Variants in FUT8 observed in about 807,000 individuals in gnomAD.
The protein encoded by FUT8 is alpha-(1,6)-fucosyltransferase.
A neutral mutation model predicts 71.3 loss-of-function variants in FUT8; 29 were observed. The observed-to-expected ratio is 0.41, with a 90% CI of 0.30 to 0.55. FUT8 has a LOEUF of 0.55. FUT8 is among the 20% of genes least tolerant of loss of function. The pLI is 0.34. For synonymous variants in FUT8, 254 were observed against 239.3 expected, an observed-to-expected ratio of 1.06 and a Z score of -0.57; for missense variants, 544 against 702.1, an observed-to-expected ratio of 0.77 and a Z score of 2.55.
At chr14:65,378,837 G>GTTTTTTTTT in the FUT8 span, among the ~76,000 whole-genome samples, 29 of 66,850 alleles carry the variant, frequency 4.3e-4, 2 homozygotes, top group East Asian at 1.2e-3. Context: ...TCACAAGAAG[G>GTTTTTTTTT]TTTTTTTTTT....
chr14:65,365,986 C>T, the FUT8 span, among the ~76,000 whole-genome samples: 6,837 of 152,102 alleles, frequency 0.045, 276 homozygotes, highest in South Asian at 0.17. Flanking sequence ...TATAGGCATG[C>T]GCCACCATGC....
At chr14:65,436,314 G>A (rs1235499641) in intron 1 of FUT8, among the ~76,000 whole-genome samples, 4 of 151,978 alleles carry the variant, frequency 2.6e-5, no homozygotes, top group African/African-American at 4.8e-5. Context: ...TTAACATTCC[G>A]AGAATGCTTA....
chr14:65,728,451 CT>C (rs1188875281), intron 9 of FUT8, among the ~76,000 whole-genome samples: 14 of 152,334 alleles, frequency 9.2e-5, no homozygotes. Context: ...ACCATCGAAT[CT>C]CATGAGACTT....
chr14:65,702,345 C>CAAAAAAAA (rs71989314), intron 7 of FUT8, among the ~76,000 whole-genome samples: 1 of 134,960 alleles, frequency 7.4e-6, no homozygotes. Flanking sequence ...AACTCCATCT[C>CAAAAAAAA]AAAAAAAAAA....
rs1366363675 is a variant in FUT8 at position 65,573,724 on chromosome 14, A to AC, written c.203+11963dup. ...ACTCCAGCCTGGGCAACACAGTGAG[A>AC]CCCCCATGTCTAAAAAAAAAAAAAA... On this transcript the variant is annotated intron_variant, in intron 3 of 10. Transcript: ENST00000673929. Among the ~76,000 whole-genome samples the AC allele has an allele frequency of 2.1e-5, 3 of 145,274 alleles. No individual in the cohort carries two copies. The East Asian group carries it at 6.1e-4, about 30-fold the overall frequency.
Position 65,535,703 on chromosome 14 carries a change from T to C in FUT8, c.-227-25634T>C, listed in dbSNP as rs556786564. ...CTGAGAATTGTTTTTTGTCTGACTG[T>C]GTGGTCAGTTTTAGAGTATGTGCCA... On this transcript the variant is annotated intron_variant, in intron 2 of 10. Coordinates refer to ENST00000673929, the MANE Select transcript of FUT8 (RefSeq NM_001371533.1). 2.6e-5 allele frequency among the ~76,000 whole-genome samples: 4 copies of C among 152,314 alleles called. No individual in the cohort carries two copies. The South Asian group carries it at 8.3e-4, about 32-fold the overall frequency.
In FUT8 at chr14:65,717,731, G is replaced by A. The variant is rs185582923; in HGVS notation, c.836-4044G>A. Among the ~76,000 whole-genome samples, 728 of 143,894 alleles carry A rather than the reference G, an allele frequency of 5.1e-3. 5 individuals carry two copies. Among genetic ancestry groups the A allele is most frequent in the African/African-American group, 0.018 (688 of 38,204 alleles). The allele number at this position is 143,894 out of a possible 152,430, so 94.4% of individuals were successfully genotyped here. ...GACGGGGCAGCTGCCAGGCAGAGGC[G>A]CTCCTCACCTCTCAGACGGGGCGGC... On this transcript the variant is annotated intron_variant, in intron 7 of 10. Coordinates refer to ENST00000673929, the MANE Select transcript of FUT8 (RefSeq NM_001371533.1).
chr14:65,595,153 G>A (rs1887899333), intron 3 of FUT8, among the ~76,000 whole-genome samples: 1 of 152,072 alleles, frequency 6.6e-6, no homozygotes, highest in African/African-American at 2.4e-5. Flanking sequence ...TTATGCATTA[G>A]AATATTTAAT....
intron 2 of FUT8, among the ~76,000 whole-genome samples, chr14:65,458,836 T>C (rs2065932455): frequency 6.6e-6 from 1 of 150,992 alleles, no homozygotes; most frequent in Non-Finnish European, 1.5e-5. Flanking sequence ...CCACTCAGGC[T>C]GGAGTGCAGT....
intron 2 of FUT8, among the ~76,000 whole-genome samples, chr14:65,465,700 CTCTT>C (rs1555363013): frequency 1.3e-5 from 2 of 152,092 alleles, no homozygotes; most frequent in Non-Finnish European, 1.5e-5. Context: ...TTTGTAGTCT[CTCTT>C]TGTGAAATGT....
At chr14:65,368,823 A>AT in the FUT8 span, among the ~76,000 whole-genome samples, 5 of 150,868 alleles carry the variant, frequency 3.3e-5, no homozygotes, top group Non-Finnish European at 7.4e-5. Flanking sequence ...CGCCCGGCCT[A>AT]TTTTTTGTAT....
rs1594902797 is a variant in FUT8, at chr14:65,692,455, G to A, written c.835+22975G>A. ...GACGGGGCGGCTGGCCGGGCGGGGG[G>A]CTGACCCCCCCACCTCCCTCCCAGA... is the stretch of plus-strand genomic sequence containing the variant. On this transcript the variant is annotated intron_variant, in intron 7 of 10. Coordinates refer to ENST00000673929, the MANE Select transcript of FUT8 (RefSeq NM_001371533.1). Among the ~76,000 whole-genome samples the A allele has an allele frequency of 5.9e-5, 8 of 135,110 alleles. 1 individual carries two copies. Among genetic ancestry groups the A allele is most frequent in the Admixed American group, 5.7e-4 (8 of 13,964 alleles). 88.6% of individuals were successfully genotyped at this position (135,110 alleles called of 152,430 possible).
chr14:65,571,108 C>T (rs1350060359), intron 3 of FUT8, among the ~76,000 whole-genome samples: 1 of 152,072 alleles, frequency 6.6e-6, no homozygotes, highest in African/African-American at 2.4e-5. Context: ...CTGCTGGATT[C>T]GTGAATCGTT....
At chr14:65,439,954 G>GTGTATGTATGTATATA in intron 1 of FUT8, among the ~76,000 whole-genome samples, 1 of 74,984 alleles carries the variant, frequency 1.3e-5, no homozygotes, top group African/African-American at 5.1e-5. Context: ...GTGTGTGTGT[G>GTGTATGTATGTATATA]TATATATATA....
chr14:65,572,257 C>T (rs573029144), intron 3 of FUT8, among the ~76,000 whole-genome samples: 117 of 152,234 alleles, frequency 7.7e-4, no homozygotes, highest in African/African-American at 2.6e-3. Flanking sequence ...ACATTAGCAG[C>T]AAGCAGGAAC....
chr14:65,423,349 C>T (rs528296157), intron 1 of FUT8, among the ~76,000 whole-genome samples: 13 of 151,374 alleles, frequency 8.6e-5, no homozygotes, highest in African/African-American at 2.9e-4. Flanking sequence ...GCCAGCTCCG[C>T]CTCCCAGGTT....
chr14:65,471,193 A>C (rs371906073), intron 2 of FUT8: 1 of 207,020 alleles, frequency 4.8e-6, no homozygotes, highest in Non-Finnish European at 1.1e-5. Flanking sequence ...CCCTCTACCA[A>C]CTGTGAGCCT....
intron 2 of FUT8, among the ~76,000 whole-genome samples, chr14:65,518,127 T>G: frequency 6.6e-6 from 1 of 152,234 alleles, no homozygotes. Flanking sequence ...TTTTTCTATG[T>G]GTGCAAGCTG....
chr14:65,589,441 C>CTTTTTTTT (rs35606286), intron 3 of FUT8, among the ~76,000 whole-genome samples: 12 of 109,952 alleles, frequency 1.1e-4, no homozygotes, highest in Admixed American at 4.4e-4. Flanking sequence ...TGCCTTAAAT[C>CTTTTTTTT]TTTTTTTTTT....
Sources: allele counts gnomAD v4.1 joint callset (sites outside exome capture counted in the v4.1 genomes callset), GRCh38; gene constraint gnomAD v4.1.1; transcripts MANE v1.5; gene names NCBI Gene and HGNC (gene_info 2026-07-23, HGNC 2026-07-21).